Variants in EXOC6B observed in about 807,000 individuals in gnomAD.
EXOC6B encodes the protein exocyst complex component 6B.
In EXOC6B, 54 loss-of-function variants were observed where a neutral mutation model predicts 113.5. That is an observed-to-expected ratio of 0.48 (90% CI 0.38 to 0.60). EXOC6B has a LOEUF of 0.60. EXOC6B is among the 20% of genes least tolerant of loss of function. EXOC6B has a pLI of 0.00. For missense variants in EXOC6B, 797 were observed against 977.5 expected (o/e 0.82, Z 2.46); for synonymous variants, 357 against 339.0 (o/e 1.05, Z -0.58).
At chr2:72,205,803 G>A (rs1679808667) in intron 20 of EXOC6B, among the ~76,000 whole-genome samples, 1 of 152,200 alleles carries the variant, frequency 6.6e-6, no homozygotes, top group Non-Finnish European at 1.5e-5. Context: ...CAGGCCTGTG[G>A]AAATTCTCAG....
chr2:72,549,633 G>C (rs568380851), intron 8 of EXOC6B, among the ~76,000 whole-genome samples: 1 of 152,138 alleles, frequency 6.6e-6, no homozygotes, highest in African/African-American at 2.4e-5. Flanking sequence ...GTGAATATCC[G>C]AAAGGTTCTG....
intron 6 of EXOC6B, among the ~76,000 whole-genome samples, chr2:72,618,645 C>T (rs1558850032): frequency 6.6e-6 from 1 of 152,248 alleles, no homozygotes; most frequent in East Asian, 1.9e-4. Flanking sequence ...TAAAGCATTC[C>T]TTATGAGCCT....
intron 6 of EXOC6B, among the ~76,000 whole-genome samples, chr2:72,604,646 G>A (rs2104025861): frequency 6.6e-6 from 1 of 152,310 alleles, no homozygotes; most frequent in East Asian, 1.9e-4. Context: ...TGTACCCCAT[G>A]TGCATAACTC....
intron 20 of EXOC6B, among the ~76,000 whole-genome samples, chr2:72,217,043 A>AG (rs1253615308): frequency 6.6e-6 from 1 of 151,820 alleles, no homozygotes; most frequent in East Asian, 1.9e-4. Context: ...TCAAAAAAAA[A>AG]AAAAAAAGTA....
At chr2:72,820,930 A>G (rs1260457718) in intron 1 of EXOC6B, among the ~76,000 whole-genome samples, 1 of 152,102 alleles carries the variant, frequency 6.6e-6, no homozygotes, top group African/African-American at 2.4e-5. Flanking sequence ...GCATTACGCA[A>G]AAGTTTCCTA....
At chr2:72,476,095 C>T (rs1022139582) in intron 17 of EXOC6B, among the ~76,000 whole-genome samples, 10 of 152,180 alleles carry the variant, frequency 6.6e-5, no homozygotes, top group African/African-American at 2.4e-4. Context: ...TGAGCTCCTT[C>T]CCTGGACCAG....
chr2:72,428,256 C>T (rs1245056425), intron 18 of EXOC6B, among the ~76,000 whole-genome samples: 1 of 152,208 alleles, frequency 6.6e-6, no homozygotes, highest in Non-Finnish European at 1.5e-5. Flanking sequence ...TCGCCACGTT[C>T]CAGGCAAAGA....
At chr2:72,570,365 C>CCCTAGCTACCATACAATTGCTAGCTA (rs1704444714) in intron 7 of EXOC6B, among the ~76,000 whole-genome samples, 1 of 152,076 alleles carries the variant, frequency 6.6e-6, no homozygotes, top group Non-Finnish European at 1.5e-5. Context: ...GTTATGGTAG[C>CCCTAGCTACCATACAATTGCTAGCTA]CCTAGCAAAT....
chr2:72,339,816 T>C (rs543433163), intron 19 of EXOC6B, among the ~76,000 whole-genome samples: 1 of 152,312 alleles, frequency 6.6e-6, no homozygotes, highest in African/African-American at 2.4e-5. Flanking sequence ...AGAAGGTATA[T>C]TGTCAGTAAA....
intron 2 of EXOC6B, among the ~76,000 whole-genome samples, chr2:72,735,576 A>G (rs1347067917): frequency 6.6e-6 from 1 of 152,202 alleles, no homozygotes; most frequent in South Asian, 2.1e-4. Flanking sequence ...GCACTTTGGG[A>G]GTCCTTGTCA....
intron 6 of EXOC6B, among the ~76,000 whole-genome samples, chr2:72,673,944 T>C (rs1004601189): frequency 3.9e-5 from 6 of 152,028 alleles, no homozygotes; most frequent in African/African-American, 7.2e-5. Flanking sequence ...AAAATTATTC[T>C]CTTCACACTT....
chr2:72,383,146 A>G (rs1270269129), intron 18 of EXOC6B, among the ~76,000 whole-genome samples: 10 of 152,200 alleles, frequency 6.6e-5, no homozygotes, highest in Admixed American at 2.0e-4. Context: ...GACAAATGGG[A>G]TCTAATTAAA....
At chr2:72,572,121 G>GA (rs975850913) in intron 7 of EXOC6B, among the ~76,000 whole-genome samples, 13 of 152,052 alleles carry the variant, frequency 8.5e-5, no homozygotes, top group African/African-American at 2.7e-4. Flanking sequence ...TTTATTGCCA[G>GA]AAAAAAGTTT....
intron 6 of EXOC6B, among the ~76,000 whole-genome samples, chr2:72,635,041 C>T (rs1485704031): frequency 1.3e-5 from 2 of 151,260 alleles, no homozygotes; most frequent in African/African-American, 4.9e-5. Context: ...TAAACCAAAC[C>T]AAAATTAGTA....
At chr2:72,669,959 CA>C (rs1260809310) in intron 6 of EXOC6B, among the ~76,000 whole-genome samples, 4 of 152,218 alleles carry the variant, frequency 2.6e-5, no homozygotes, top group Admixed American at 1.3e-4. Flanking sequence ...ATGTTTTGCA[CA>C]GCTTTAATAT....
intron 18 of EXOC6B, among the ~76,000 whole-genome samples, chr2:72,394,842 C>G (rs942455536): frequency 1.3e-5 from 2 of 152,060 alleles, no homozygotes; most frequent in Non-Finnish European, 2.9e-5. Context: ...TTTTCCAGTT[C>G]TCTCTTACTA....
chr2:72,583,174 A>C (rs1705336279), intron 6 of EXOC6B, among the ~76,000 whole-genome samples: 1 of 152,186 alleles, frequency 6.6e-6, no homozygotes. Context: ...ATTTTTAAAA[A>C]TGAGCAAAGT....
At chr2:72,336,656 T>A (rs1266782049) in intron 19 of EXOC6B, among the ~76,000 whole-genome samples, 13 of 152,152 alleles carry the variant, frequency 8.5e-5, no homozygotes, top group Admixed American at 8.5e-4. Context: ...AAAATTCAAA[T>A]GCCATATATA....
chr2:72,337,092 G>T (rs539106011), intron 19 of EXOC6B, among the ~76,000 whole-genome samples: 1 of 151,846 alleles, frequency 6.6e-6, no homozygotes, highest in East Asian at 1.9e-4. Flanking sequence ...ATAATCCATT[G>T]TTTATATCTA....
Sources: gnomAD v4.1 joint callset for allele counts (sites outside exome capture counted in the v4.1 genomes callset) on GRCh38, gnomAD v4.1.1 for gene constraint, MANE v1.5 for transcripts, NCBI Gene and HGNC (gene_info 2026-07-23, HGNC 2026-07-21) for gene names.